Variants in PCDH7 observed in about 807,000 individuals in gnomAD.
PCDH7 encodes the protein protocadherin 7.
In PCDH7, 17 loss-of-function variants were observed where a neutral mutation model predicts 58.9. The ratio of observed to expected loss-of-function variants is 0.29; its 90% confidence interval spans 0.20 to 0.43. PCDH7 has a LOEUF of 0.43. Among genes scored for constraint, PCDH7 ranks in the 20% least tolerant of loss-of-function variants. The pLI, the probability that PCDH7 is intolerant of heterozygous loss-of-function variation, is 1.00. For missense variants in PCDH7, 1,274 were observed against 1,441.0 expected, an observed-to-expected ratio of 0.88 and a Z score of 1.88; for synonymous variants, 664 against 616.4, an observed-to-expected ratio of 1.08 and a Z score of -1.14.
At chr4:31,040,160 C>T (rs1188700195) in intron 3 of PCDH7, among the ~76,000 whole-genome samples, 1 of 152,164 alleles carries the variant, frequency 6.6e-6, no homozygotes, top group Admixed American at 6.5e-5. Flanking sequence ...TGTGTCTTGA[C>T]AACTCTGTAT....
chr4:30,795,954 T>G (rs1171120052), intron 1 of PCDH7, among the ~76,000 whole-genome samples: 2 of 152,218 alleles, frequency 1.3e-5, no homozygotes, highest in African/African-American at 4.8e-5. Flanking sequence ...AAAAAATATG[T>G]AACAAGTTTA....
intron 3 of PCDH7, among the ~76,000 whole-genome samples, chr4:31,072,706 A>T (rs1758653470): frequency 6.6e-6 from 1 of 152,122 alleles, no homozygotes; most frequent in African/African-American, 2.4e-5. Flanking sequence ...ACATCACATT[A>T]TTGGAATGTG....
At chr4:30,923,490 A>G (rs1259077779) in intron 2 of PCDH7, among the ~76,000 whole-genome samples, 1 of 152,184 alleles carries the variant, frequency 6.6e-6, no homozygotes, top group East Asian at 1.9e-4. Context: ...TTTACGCTAT[A>G]TTCTAAAACA....
rs1199016838 is a variant in PCDH7 at position 30,775,169 on chromosome 4, G to A, written c.70+50573G>A. ...GTGACAGATCTACTGTTAAAGTGCC[G>A]AGAGAGAATTGGGTTTCAGATTGTA... On this transcript the variant is annotated intron_variant, in intron 1 of 3. Transcript: ENST00000509759. Among the ~76,000 whole-genome samples the A allele has an allele frequency of 2.6e-5, 4 of 152,138 alleles. 1 individual carries two copies. The highest frequency in any genetic ancestry group is 3.9e-4 in the East Asian group (2 of 5,192).
intron 2 of PCDH7, among the ~76,000 whole-genome samples, chr4:30,939,450 C>G (rs922740960): frequency 6.6e-6 from 1 of 152,104 alleles, no homozygotes; most frequent in African/African-American, 2.4e-5. Context: ...AATTCTCTTT[C>G]ATAGTGAATT....
intron 3 of PCDH7, among the ~76,000 whole-genome samples, chr4:31,081,664 C>T (rs1759519494): frequency 6.6e-6 from 1 of 152,124 alleles, no homozygotes; most frequent in African/African-American, 2.4e-5. Flanking sequence ...TACCAAGGTC[C>T]ATTTTTTCCA....
intron 1 of PCDH7, among the ~76,000 whole-genome samples, chr4:30,744,935 C>A (rs1311324788): frequency 1.3e-5 from 2 of 152,198 alleles, no homozygotes; most frequent in Non-Finnish European, 2.9e-5. Flanking sequence ...AACTTATTCA[C>A]TGTAACTGTT....
chr4:30,735,883 A>G (rs1388530467), downstream of PCDH7, among the ~76,000 whole-genome samples: 1 of 152,060 alleles, frequency 6.6e-6, no homozygotes, highest in Non-Finnish European at 1.5e-5. Context: ...GTAGGAAACC[A>G]CTTCTTCCTA....
At chr4:30,819,489 G>A (rs1333871087) in intron 1 of PCDH7, among the ~76,000 whole-genome samples, 3 of 152,144 alleles carry the variant, frequency 2.0e-5, no homozygotes, top group African/African-American at 7.2e-5. Context: ...TCATACAAGA[G>A]TTTAACATTG....
At chr4:30,996,287 A>ATTCCATTTTAATG (rs1751894220) in intron 3 of PCDH7, among the ~76,000 whole-genome samples, 1 of 152,044 alleles carries the variant, frequency 6.6e-6, no homozygotes, top group African/African-American at 2.4e-5. Flanking sequence ...CCATTTTAAT[A>ATTCCATTTTAATG]TGGTCATTCT....
chr4:30,994,815 A>C (rs1751738051), intron 3 of PCDH7, among the ~76,000 whole-genome samples: 1 of 152,138 alleles, frequency 6.6e-6, no homozygotes, highest in Admixed American at 6.5e-5. Flanking sequence ...TTATCACCCA[A>C]ATTGGCTTTT....
chr4:30,850,496 T>C (rs1732585409), intron 1 of PCDH7, among the ~76,000 whole-genome samples: 1 of 152,120 alleles, frequency 6.6e-6, no homozygotes, highest in African/African-American at 2.4e-5. Flanking sequence ...TGACTTACCC[T>C]GAATCCATTT....
chr4:31,082,547 T>C (rs182440201), intron 3 of PCDH7, among the ~76,000 whole-genome samples: 134 of 152,266 alleles, frequency 8.8e-4, no homozygotes, highest in African/African-American at 3.2e-3. Context: ...GAAAGAGCCT[T>C]TAAAAAGCAA....
chr4:31,023,892 A>C (rs1464445794), intron 3 of PCDH7, among the ~76,000 whole-genome samples: 1 of 152,318 alleles, frequency 6.6e-6, no homozygotes, highest in East Asian at 1.9e-4. Flanking sequence ...AGACATGTAA[A>C]AGAGAAAGCG....
chr4:30,942,787 A>G (rs771185709), intron 2 of PCDH7, among the ~76,000 whole-genome samples: 6 of 152,004 alleles, frequency 3.9e-5, no homozygotes, highest in Non-Finnish European at 5.9e-5. Context: ...TAATTTACTT[A>G]TTACTAAAAT....
intron 3 of PCDH7, among the ~76,000 whole-genome samples, chr4:31,044,361 T>C (rs1578643936): frequency 6.6e-6 from 1 of 152,084 alleles, no homozygotes; most frequent in African/African-American, 2.4e-5. Flanking sequence ...TTCATTTATA[T>C]AGTGTAAATT....
intron 3 of PCDH7, among the ~76,000 whole-genome samples, chr4:31,104,915 T>A (rs1165694271): frequency 1.3e-5 from 2 of 152,122 alleles, no homozygotes; most frequent in Non-Finnish European, 2.9e-5. Context: ...ATTTGGCTGG[T>A]ATAGGTGGTA....
At chr4:30,784,181 G>T (rs1723127531) in intron 1 of PCDH7, among the ~76,000 whole-genome samples, 1 of 152,132 alleles carries the variant, frequency 6.6e-6, no homozygotes, top group Non-Finnish European at 1.5e-5. Flanking sequence ...ACACATTCTG[G>T]TAACATCCAG....
exon 1 of PCDH7, chr4:30,724,537 A>G (rs370565895): frequency 6.8e-6 from 11 of 1,614,150 alleles, no homozygotes; most frequent in South Asian, 1.1e-5. Context: ...CAACATTTCA[A>G]TTGGATCAGA....
Sources: gnomAD v4.1 joint callset for allele counts (sites outside exome capture counted in the v4.1 genomes callset) on GRCh38, gnomAD v4.1.1 for gene constraint, MANE v1.5 for transcripts, NCBI Gene and HGNC (gene_info 2026-07-23, HGNC 2026-07-21) for gene names.